The following MKLN1 variants were observed in gnomAD, a reference collection of about 807,000 sequenced individuals.
MKLN1 encodes muskelin.
In MKLN1, 18 loss-of-function variants were observed where a neutral mutation model predicts 99.0. That is an observed-to-expected ratio of 0.18 (90% CI 0.13 to 0.27). The LOEUF (loss-of-function observed/expected upper bound fraction) is 0.27. Among genes scored for constraint, MKLN1 ranks in the 10% least tolerant of loss-of-function variants. The probability of loss-of-function intolerance (pLI) is 1.00; values close to 1 mark genes in which losing one functional copy is unlikely to be tolerated. For synonymous variants in MKLN1, 288 were observed against 293.2 expected (o/e 0.98, Z 0.18); for missense variants, 621 against 875.9 (o/e 0.71, Z 3.67).
intron 2 of MKLN1, among the ~76,000 whole-genome samples, chr7:131,164,079 T>C (rs1248311811): frequency 6.6e-6 from 1 of 152,216 alleles, no homozygotes; most frequent in Non-Finnish European, 1.5e-5. Context: ...CTAAGAGCTT[T>C]TAAACAGAAA....
chr7:131,238,017 G>T lies in MKLN1; in HGVS notation c.-179+35043G>T, dbSNP rs1174949858. Among the ~76,000 whole-genome samples the T allele has an allele frequency of 2.0e-5, 3 of 152,120 alleles. No individual in the cohort carries two copies. The East Asian group carries it at 5.8e-4, about 29-fold the overall frequency. ...CAAAAATTATCTGGGCATGGTGGTGGGTGCCTATAATTCCAGCTACTTGGG... is the reference window on the plus strand; with the variant it reads ...CAAAAATTATCTGGGCATGGTGGTGTGTGCCTATAATTCCAGCTACTTGGG... On this transcript the variant is annotated intron_variant, in intron 3 of 7. Coordinates refer to the MKLN1 transcript ENST00000416992.
intron 3 of MKLN1, among the ~76,000 whole-genome samples, chr7:131,317,655 A>C (rs936985188): frequency 3.4e-4 from 52 of 151,908 alleles, no homozygotes; most frequent in African/African-American, 1.2e-3. Context: ...AAAGACACAG[A>C]CTGGCAAATT....
chr7:131,264,364 G>A (rs887158681), intron 3 of MKLN1, among the ~76,000 whole-genome samples: 3 of 152,122 alleles, frequency 2.0e-5, no homozygotes, highest in East Asian at 3.8e-4. Flanking sequence ...GATGTTTCTT[G>A]AATATCATTT....
intron 1 of MKLN1, among the ~76,000 whole-genome samples, chr7:131,358,097 T>G (rs1162575413): frequency 6.6e-6 from 1 of 152,176 alleles, no homozygotes; most frequent in Non-Finnish European, 1.5e-5. Context: ...ATTTCCAGGA[T>G]AGTATTGAAT....
At chr7:131,342,156 AT>A (rs796109850) in intron 1 of MKLN1, among the ~76,000 whole-genome samples, 4,374 of 140,900 alleles carry the variant, frequency 0.031, 230 homozygotes, top group Admixed American at 0.15. Flanking sequence ...TTTTTTGTTG[AT>A]TTTTTTTTTT....
intron 12 of MKLN1, among the ~76,000 whole-genome samples, chr7:131,458,413 T>C (rs1244521601): frequency 6.6e-6 from 1 of 152,184 alleles, no homozygotes; most frequent in Non-Finnish European, 1.5e-5. Flanking sequence ...AAATTTGTTG[T>C]TGCCTGAAGA....
chr7:131,176,595 C>A (rs995997509), intron 2 of MKLN1, among the ~76,000 whole-genome samples: 5 of 152,170 alleles, frequency 3.3e-5, no homozygotes, highest in African/African-American at 9.7e-5. Flanking sequence ...TATTCACTGG[C>A]CCACATTCAT....
chr7:131,268,872 T>C (rs16873941), intron 3 of MKLN1, among the ~76,000 whole-genome samples: 8,122 of 152,334 alleles, frequency 0.053, 325 homozygotes, highest in South Asian at 0.18. Context: ...GTTTATTTAA[T>C]GACCAAACCT....
intron 8 of MKLN1, among the ~76,000 whole-genome samples, chr7:131,417,701 T>A (rs541442061): frequency 6.6e-6 from 1 of 152,184 alleles, no homozygotes; most frequent in East Asian, 1.9e-4. Flanking sequence ...AGAAGAGCTA[T>A]CTGAAACCTT....
intron 1 of MKLN1, among the ~76,000 whole-genome samples, chr7:131,110,510 G>A (rs1795176699): frequency 6.6e-6 from 1 of 152,152 alleles, no homozygotes; most frequent in Admixed American, 6.5e-5. Context: ...GCGCTTTAAG[G>A]TGCAGCTGAG....
rs112995969 is a variant in MKLN1, at chr7:131,351,296, T to C, written c.98+23299T>C. Among the ~76,000 whole-genome samples, 532 of 152,230 alleles carry C rather than the reference T, an allele frequency of 3.5e-3. 2 individuals are homozygous for C. The highest frequency in any genetic ancestry group is 0.012 in the African/African-American group (506 of 41,524). On this transcript the variant is annotated intron_variant, in intron 1 of 17. Coordinates refer to ENST00000352689, the MANE Select transcript of MKLN1 (RefSeq NM_013255.5). ...GAAGAGTCTTCCCATCCTCTTGCTG[T>C]TTTCTTTTTATCCATTGATTTGTTG...
chr7:131,216,442 A>G (rs892252166), intron 3 of MKLN1, among the ~76,000 whole-genome samples: 8 of 151,918 alleles, frequency 5.3e-5, no homozygotes, highest in Admixed American at 2.0e-4. Flanking sequence ...AAAAAAGAAA[A>G]AAAAGAAAGT....
intron 3 of MKLN1, among the ~76,000 whole-genome samples, chr7:131,278,289 C>T (rs893481105): frequency 1.9e-4 from 29 of 152,266 alleles, no homozygotes; most frequent in African/African-American, 6.3e-4. Context: ...CTGCCCACCT[C>T]GGCCTTCCAA....
chr7:131,374,950 T>G (rs1793594447), intron 1 of MKLN1, among the ~76,000 whole-genome samples: 1 of 151,670 alleles, frequency 6.6e-6, no homozygotes, highest in Non-Finnish European at 1.5e-5. Context: ...TTTTTTTTTT[T>G]TTTTAAAGAC....
intron 2 of MKLN1, among the ~76,000 whole-genome samples, chr7:131,180,117 C>T (rs1796358095): frequency 6.6e-6 from 1 of 152,158 alleles, no homozygotes; most frequent in African/African-American, 2.4e-5. Context: ...TTTGTCATAG[C>T]TCTGTGAAGA....
intron 3 of MKLN1, among the ~76,000 whole-genome samples, chr7:131,258,826 G>A (rs1449107064): frequency 6.6e-6 from 1 of 152,196 alleles, no homozygotes; most frequent in Non-Finnish European, 1.5e-5. Flanking sequence ...ACCATCTAGA[G>A]GAGATACAAC....
At chr7:131,114,775 A>G (rs6956970) in intron 1 of MKLN1, among the ~76,000 whole-genome samples, 3,441 of 152,136 alleles carry the variant, frequency 0.023, 123 homozygotes, top group African/African-American at 0.078. Flanking sequence ...GCAAAACCCC[A>G]TCTCTACTAA....
chr7:131,317,765 CAAAA>C (rs146525048), intron 3 of MKLN1, among the ~76,000 whole-genome samples: 1 of 49,974 alleles, frequency 2.0e-5, no homozygotes, highest in Non-Finnish European at 4.1e-5. Flanking sequence ...AAATGGAAAG[CAAAA>C]AAAAAAAAAA....
At chr7:131,155,953 CT>C (rs1373927726) in intron 2 of MKLN1, among the ~76,000 whole-genome samples, 1 of 152,062 alleles carries the variant, frequency 6.6e-6, no homozygotes, top group East Asian at 1.9e-4. Context: ...GATTATGTCA[CT>C]TTTTTGATAA....
Sources: gnomAD v4.1 joint callset for allele counts (sites outside exome capture counted in the v4.1 genomes callset) on GRCh38, gnomAD v4.1.1 for gene constraint, MANE v1.5 for transcripts, NCBI Gene and HGNC (gene_info 2026-07-23, HGNC 2026-07-21) for gene names.